NHLRC3: variants seen among roughly 807,000 people sequenced by gnomAD.
NHLRC3 encodes the protein NHL repeat containing 3.
NHLRC3 carries 23 observed loss-of-function variants against 32.0 expected under a neutral mutation model. That is an observed-to-expected ratio of 0.72 (90% CI 0.52 to 1.02). The LOEUF is 1.02. Among genes scored for constraint, NHLRC3 ranks in the 50% least tolerant of loss-of-function variants. NHLRC3 has a pLI of 0.00. For missense variants in NHLRC3, 407 were observed against 406.8 expected, an observed-to-expected ratio of 1.00 and a Z score of -0.01; for synonymous variants, 159 against 147.9, an observed-to-expected ratio of 1.08 and a Z score of -0.55.
At position 39,042,175 on chromosome 13, in the gene NHLRC3, C is replaced by CA. The variant is rs745775817; in HGVS notation, c.462dup (p.Gly155ArgfsTer3). 49 of 1,611,362 alleles carry CA rather than the reference C, an allele frequency of 3.0e-5. No individual in the cohort carries two copies. Among genetic ancestry groups the CA allele is most frequent in the South Asian group, 1.1e-4 (10 of 91,032 alleles). ...TTGTTCAAGTCTTGGGTACTCCAGGCAAAAAAGGCACTAGTTTGAATCCTT... is the reference window on the plus strand; with the variant it reads ...TTGTTCAAGTCTTGGGTACTCCAGGCAAAAAAAGGCACTAGTTTGAATCCTT... On this transcript the variant is annotated frameshift_variant, in exon 4 of 7. Transcript: ENST00000379600. LOFTEE classifies it high-confidence loss of function.
chr13:39,043,746 G>A (rs931723594), intron 4 of NHLRC3, among the ~76,000 whole-genome samples: 1 of 152,130 alleles, frequency 6.6e-6, no homozygotes, highest in African/African-American at 2.4e-5. Flanking sequence ...GAATTTTTAA[G>A]GTCTGTGGAA....
Position 39,038,607 on chromosome 13 carries a change from C to CG in NHLRC3, c.-31dup, listed in dbSNP as rs757647753. ...TGTCAGGTCCTCCCCCAGACACCTG[C>CG]GGACCCTCCCTCTCCTGGCTTCCCG... is the stretch of plus-strand genomic sequence containing the variant. On this transcript the variant is annotated 5_prime_UTR_variant, in exon 1 of 7. Coordinates refer to ENST00000379600, the MANE Select transcript of NHLRC3 (RefSeq NM_001012754.4). The CG allele has an allele frequency of 1.4e-5, 23 of 1,588,132 alleles. No individual in the cohort carries two copies. The highest frequency in any genetic ancestry group is 1.9e-5 in the Non-Finnish European group (22 of 1,156,334).
At chr13:39,044,983 T>C (rs1249192966) in intron 5 of NHLRC3, among the ~76,000 whole-genome samples, 1 of 152,346 alleles carries the variant, frequency 6.6e-6, no homozygotes, top group East Asian at 1.9e-4. Context: ...TTTATTTCTT[T>C]GTGCCTAGTA....
rs778104394 is a variant in NHLRC3, at chr13:39,047,101, G to A, written c.740G>A (p.Trp247Ter). 1 of 1,612,908 alleles carries A rather than the reference G, an allele frequency of 6.2e-7. No homozygotes were observed. The highest frequency in any genetic ancestry group is 8.5e-7 in the Non-Finnish European group (1 of 1,179,374). ...IQVFDKDTGE[W>*]LGAWNNCFTE... The stretch of plus-strand genomic sequence containing the variant: ...GTATTTGATAAAGACACTGGGGAGT[G>A]GTTAGGAGCATGGAATAATTGTTTC... The change falls in exon 6 of 7, where the codon TGG becomes TAG. Residue 247 changes from tryptophan (W) to a stop codon, truncating the protein, a stop_gained. Coordinates refer to ENST00000379600, the MANE Select transcript of NHLRC3 (RefSeq NM_001012754.4). LOFTEE classifies it high-confidence loss of function.
At chr13:39,042,463 A>C (rs1871504249) in intron 4 of NHLRC3, among the ~76,000 whole-genome samples, 158 bp downstream of exon 4, 2 of 152,250 alleles carry the variant, frequency 1.3e-5, no homozygotes, top group Non-Finnish European at 2.9e-5. Context: ...ATGATTGCCC[A>C]CAATAAATGA....
Position 39,038,550 on chromosome 13 carries a change from C to A in NHLRC3, c.-90C>A. ...GGTCTTCGGGCCCCGGGCAGACCCT[C>A]TGTGCCGCTGCAAACCGTTGCAGCC... On this transcript the variant is annotated 5_prime_UTR_variant, in exon 1 of 7. It adds an upstream start codon to the 5' untranslated region. Transcript: ENST00000379600. The A allele has an allele frequency of 2.7e-6, 3 of 1,112,452 alleles. No individual in the cohort carries two copies. The highest frequency in any genetic ancestry group is 4.1e-6 in the Non-Finnish European group (3 of 723,822). The allele number at this position is 1,112,452 out of a possible 1,614,324, so 68.9% of individuals were successfully genotyped here.
At position 39,047,817 on chromosome 13, in the gene NHLRC3, T is replaced by G; in HGVS notation, c.935T>G (p.Leu312Arg). The change falls in exon 7 of 7, where the codon CTC (leucine) becomes CGC (arginine). Residue 312 changes from leucine to arginine, a missense_variant. Physicochemically the swap from Leu to Arg is moderately radical, Grantham distance 102. Transcript: ENST00000379600. Reference sequence around the variant, plus strand: ...CTAGCAGATCAAGTTTTGCCACATCTCCTAGAAGTCGACAGAAAGACTGGA... The same window carrying G: ...CTAGCAGATCAAGTTTTGCCACATCGCCTAGAAGTCGACAGAAAGACTGGA... ...IQLADQVLPH[L>R]LEVDRKTGAV... 6.2e-7 allele frequency: 1 copy of G among 1,614,098 alleles called. No individual in the cohort carries two copies. Among genetic ancestry groups the G allele is most frequent in the Non-Finnish European group, 8.5e-7 (1 of 1,180,004 alleles).
rs1429844908 is a variant in NHLRC3 at position 39,049,071 on chromosome 13, T to C, written c.*1145T>C. 1 of 151,720 alleles carries C rather than the reference T, an allele frequency of 6.6e-6. No homozygotes were observed. Among genetic ancestry groups the C allele is most frequent in the Non-Finnish European group, 1.5e-5 (1 of 67,930 alleles). The allele number at this position is 151,720 out of a possible 1,614,324, so 9.4% of individuals were successfully genotyped here. Reference sequence around the variant, plus strand: ...CCTTTTTTTTTTTTTTTCCAGTTTGTTTTAGCTTATTATAGGTTTTGGAGG... The same window carrying C: ...CCTTTTTTTTTTTTTTTCCAGTTTGCTTTAGCTTATTATAGGTTTTGGAGG... On this transcript the variant is annotated 3_prime_UTR_variant, in exon 7 of 7. Coordinates refer to ENST00000379600, the MANE Select transcript of NHLRC3 (RefSeq NM_001012754.4).
In NHLRC3 at chr13:39,038,686, C is replaced by A. The variant is rs748292455; in HGVS notation, c.47C>A (p.Ala16Glu). ...VCVAGAGFFL[A>E]FLVLHSRFCG... ...GTAGCCGGTGCTGGCTTCTTTCTTG[C>A]ATTTTTGGTTTTGCATTCGCGTTTT... Residue 16 changes from alanine to glutamate, a missense_variant, in exon 1 of 7, where the codon GCA (alanine) becomes GAA (glutamate). Ala to Glu is a moderately radical substitution (Grantham distance 107). Transcript: ENST00000379600. The A allele has an allele frequency of 6.2e-7, 1 of 1,614,180 alleles. No homozygotes were observed. The highest frequency in any genetic ancestry group is 8.5e-7 in the Non-Finnish European group (1 of 1,180,034).
chr13:39,046,670 C>G (rs750810224), intron 5 of NHLRC3, among the ~76,000 whole-genome samples: 14 of 152,190 alleles, frequency 9.2e-5, no homozygotes, highest in Non-Finnish European at 1.8e-4. Flanking sequence ...GCCAGTAGTA[C>G]TCATTGAAAA....
At chr13:39,039,809 T>C in intron 3 of NHLRC3, 98 bp downstream of exon 3, 2 of 809,080 alleles carry the variant, frequency 2.5e-6, no homozygotes, top group Non-Finnish European at 3.8e-6. Flanking sequence ...CTGAATCTAA[T>C]TGTAATTTCT....
At chr13:39,044,645 A>G (rs1871599108) in intron 5 of NHLRC3, among the ~76,000 whole-genome samples, 1 of 152,194 alleles carries the variant, frequency 6.6e-6, no homozygotes, top group Non-Finnish European at 1.5e-5. Flanking sequence ...AGAGTCACCT[A>G]GGCAAACTCT....
At chr13:39,039,001 G>T (rs1871330659) in intron 1 of NHLRC3, 135 bp from the exon 2 acceptor site, 3 of 717,112 alleles carry the variant, frequency 4.2e-6, no homozygotes, top group African/African-American at 3.6e-5. Context: ...TCATTTCTTT[G>T]GAATTATTTC....
intron 5 of NHLRC3, 80 bp downstream of exon 5, chr13:39,044,261 G>GTA (rs1871581917): frequency 7.2e-6 from 7 of 966,856 alleles, no homozygotes; most frequent in African/African-American, 1.6e-5. Flanking sequence ...GTGTGTGTGT[G>GTA]TGTGTGTCTG....
At chr13:39,047,648 A>C in intron 6 of NHLRC3, 26 bp from the exon 7 acceptor site, 2 of 1,590,810 alleles carry the variant, frequency 1.3e-6, no homozygotes, top group Non-Finnish European at 1.7e-6. Flanking sequence ...ACAGACATTT[A>C]TTATGTTAAA....
At chr13:39,047,205 C>A in intron 6 of NHLRC3, 53 bp downstream of exon 6, 1 of 975,794 alleles carries the variant, frequency 1.0e-6, no homozygotes, top group Non-Finnish European at 1.6e-6. Context: ...GTATGTGTCT[C>A]ACTTCCTCTG....
chr13:39,044,811 AC>A (rs1313788622), intron 5 of NHLRC3, among the ~76,000 whole-genome samples: 2 of 152,176 alleles, frequency 1.3e-5, no homozygotes, highest in African/African-American at 4.8e-5. Flanking sequence ...CCTTTTCACA[AC>A]GAAACCGCCA....
At chr13:39,039,735 A>T in intron 3 of NHLRC3, 24 bp downstream of exon 3, 1 of 1,552,208 alleles carries the variant, frequency 6.4e-7, no homozygotes. Context: ...TATCTATTAA[A>T]TTATCTTACT....
In NHLRC3 at chr13:39,038,601, C is replaced by T. The variant is rs748119676; in HGVS notation, c.-39C>T. The T allele has an allele frequency of 6.4e-7, 1 of 1,569,746 alleles. No homozygotes were observed. Among genetic ancestry groups the T allele is most frequent in the Non-Finnish European group, 8.8e-7 (1 of 1,139,410 alleles). On this transcript the variant is annotated 5_prime_UTR_variant, in exon 1 of 7. Coordinates refer to ENST00000379600, the MANE Select transcript of NHLRC3 (RefSeq NM_001012754.4). ...TGAGGCTGTCAGGTCCTCCCCCAGA[C>T]ACCTGCGGACCCTCCCTCTCCTGGC...
Sources: gnomAD v4.1 joint callset for allele counts (sites outside exome capture counted in the v4.1 genomes callset) on GRCh38, gnomAD v4.1.1 for gene constraint, MANE v1.5 for transcripts, NCBI Gene and HGNC (gene_info 2026-07-23, HGNC 2026-07-21) for gene names.